The following BMPR1A variants were observed in gnomAD, a reference collection of about 807,000 sequenced individuals.
BMPR1A encodes bone morphogenetic protein receptor type 1A.
A neutral mutation model predicts 66.0 loss-of-function variants in BMPR1A; 7 were observed. That is an observed-to-expected ratio of 0.11 (90% confidence interval 0.06 to 0.20). BMPR1A has a LOEUF of 0.20. Ranked by LOEUF, BMPR1A falls within the 10% of genes least tolerant of loss-of-function variation. BMPR1A has a pLI of 1.00. For synonymous variants in BMPR1A, 200 were observed against 229.7 expected, an observed-to-expected ratio of 0.87 and a Z score of 1.17; for missense variants, 408 against 669.1, an observed-to-expected ratio of 0.61 and a Z score of 4.31.
intron 1 of BMPR1A, among the ~76,000 whole-genome samples, chr10:86,793,989 C>T (rs1353107557): frequency 6.6e-6 from 1 of 152,160 alleles, no homozygotes; most frequent in Non-Finnish European, 1.5e-5. Context: ...TCATCTCTTT[C>T]CCACCGTACT....
intron 8 of BMPR1A, among the ~76,000 whole-genome samples, chr10:86,914,129 A>C (rs984476771): frequency 6.6e-6 from 1 of 152,016 alleles, no homozygotes; most frequent in Non-Finnish European, 1.5e-5. Context: ...AAAAAAAAAA[A>C]ACAAAAAGAT....
chr10:86,911,500 A>C (rs973230578), intron 7 of BMPR1A, among the ~76,000 whole-genome samples: 3 of 152,200 alleles, frequency 2.0e-5, no homozygotes, highest in African/African-American at 7.2e-5. Flanking sequence ...TAATCCCAGC[A>C]CTTTGGGAGG....
At chr10:86,869,456 CAAAAA>C (rs56797101) in intron 2 of BMPR1A, among the ~76,000 whole-genome samples, 1 of 108,728 alleles carries the variant, frequency 9.2e-6, no homozygotes, top group Admixed American at 9.9e-5. Flanking sequence ...GACTCTGTCT[CAAAAA>C]AAAAAAAAAA....
chr10:86,772,231 C>T (rs186179906), intron 1 of BMPR1A, among the ~76,000 whole-genome samples: 1 of 150,120 alleles, frequency 6.7e-6, no homozygotes, highest in East Asian at 2.0e-4. Flanking sequence ...CCCGGGTTCA[C>T]GCCATTCTCC....
intron 2 of BMPR1A, among the ~76,000 whole-genome samples, chr10:86,853,525 A>C (rs1025334429): frequency 6.6e-6 from 1 of 152,220 alleles, no homozygotes; most frequent in African/African-American, 2.4e-5. Context: ...AAAATTTAAC[A>C]ATTATCTCTT....
At chr10:86,785,392 G>A (rs779278474) in intron 1 of BMPR1A, among the ~76,000 whole-genome samples, 8 of 151,510 alleles carry the variant, frequency 5.3e-5, no homozygotes, top group Non-Finnish European at 4.4e-5. Context: ...CGCAATCTGC[G>A]CCTCCTGGGT....
chr10:86,861,472 G>A (rs186770344), intron 2 of BMPR1A, among the ~76,000 whole-genome samples: 1 of 152,148 alleles, frequency 6.6e-6, no homozygotes, highest in South Asian at 2.1e-4. Flanking sequence ...TACTACCTTT[G>A]AACCTTCAGT....
chr10:86,854,193 C>T (rs932991811), intron 2 of BMPR1A, among the ~76,000 whole-genome samples: 8 of 152,298 alleles, frequency 5.3e-5, no homozygotes, highest in South Asian at 2.1e-4. Flanking sequence ...CTGTTCCGCC[C>T]GGCTCACCGG....
Position 86,927,796 on chromosome 10 carries a change from G to A in BMPR1A, c.*4077G>A. 1.0e-5 allele frequency: 2 copies of A among 200,392 alleles called. No individual in the cohort carries two copies. The highest frequency in any genetic ancestry group is 1.6e-4 in the East Asian group (2 of 12,902). The allele number at this position is 200,392 out of a possible 1,614,324, so 12.4% of individuals were successfully genotyped here. On this transcript the variant is annotated 3_prime_UTR_variant, in exon 13 of 13. Coordinates refer to ENST00000372037, the MANE Select transcript of BMPR1A (RefSeq NM_004329.3). The stretch of plus-strand genomic sequence containing the variant: ...GGGTAAAAGCAAGCAGTTTTATCAG[G>A]CAGTTGTAAAACACCAAAAATATAG...
chr10:86,792,373 G>T (rs918987419), intron 1 of BMPR1A, among the ~76,000 whole-genome samples: 2 of 152,082 alleles, frequency 1.3e-5, no homozygotes, highest in African/African-American at 4.8e-5. Flanking sequence ...CCTACTGTCA[G>T]ATCTTTAATG....
chr10:86,895,156 A>G (rs982048490), intron 5 of BMPR1A, among the ~76,000 whole-genome samples: 1 of 152,228 alleles, frequency 6.6e-6, no homozygotes. Flanking sequence ...TTTGCTTTCA[A>G]CCAAGTTGCT....
intron 2 of BMPR1A, chr10:86,855,571 G>A: frequency 1.9e-6 from 1 of 528,358 alleles, no homozygotes; most frequent in Non-Finnish European, 3.4e-6. Flanking sequence ...TTTTGAAATA[G>A]TACTTTTCAA....
upstream of BMPR1A, chr10:86,756,277 A>G (rs1410331668): frequency 1.3e-5 from 2 of 152,094 alleles, no homozygotes; most frequent in Non-Finnish European, 2.9e-5. Context: ...GTCTGCGGGA[A>G]GCTACCCGGG....
intron 1 of BMPR1A, among the ~76,000 whole-genome samples, chr10:86,759,440 G>T (rs1840991815): frequency 6.6e-6 from 1 of 151,942 alleles, no homozygotes; most frequent in African/African-American, 2.4e-5. Flanking sequence ...TTTTTATTCA[G>T]TTGCTTTCTA....
Position 86,805,857 on chromosome 10 carries a change from C to G in BMPR1A, c.-267-33008C>G, listed in dbSNP as rs184442332. Among the ~76,000 whole-genome samples, 3 of 150,462 alleles carry G rather than the reference C, an allele frequency of 2.0e-5. No homozygotes were observed. The East Asian group carries it at 5.8e-4, about 29-fold the overall frequency. On this transcript the variant is annotated intron_variant, in intron 1 of 12. Transcript: ENST00000372037. ...AACATTGAGGCGGCACTTTGATCTG[C>G]AGTCTGTATTCCAGTTTTGTCAGTT...
chr10:86,812,531 T>TA (rs1841985356), intron 1 of BMPR1A, among the ~76,000 whole-genome samples: 1 of 152,228 alleles, frequency 6.6e-6, no homozygotes, highest in Non-Finnish European at 1.5e-5. Context: ...GCTAAGTACC[T>TA]AGGAATGGGA....
intron 7 of BMPR1A, among the ~76,000 whole-genome samples, chr10:86,900,690 CG>C (rs1269467547): frequency 1.3e-5 from 2 of 152,200 alleles, no homozygotes; most frequent in African/African-American, 4.8e-5. Context: ...GAGGAAAAGA[CG>C]TTCGCATACC....
intron 7 of BMPR1A, among the ~76,000 whole-genome samples, chr10:86,911,402 CAAT>C (rs1463269337): frequency 6.6e-6 from 1 of 152,038 alleles, no homozygotes; most frequent in Non-Finnish European, 1.5e-5. Context: ...GCCTACAAAT[CAAT>C]GAGGAGAAGA....
intron 2 of BMPR1A, among the ~76,000 whole-genome samples, chr10:86,862,650 G>T (rs1413398753): frequency 2.6e-5 from 4 of 152,166 alleles, no homozygotes; most frequent in Non-Finnish European, 5.9e-5. Flanking sequence ...AGTAGGAAGT[G>T]TGTGGGTTCT....
Sources: allele counts gnomAD v4.1 joint callset (sites outside exome capture counted in the v4.1 genomes callset), GRCh38; gene constraint gnomAD v4.1.1; transcripts MANE v1.5; gene names NCBI Gene and HGNC (gene_info 2026-07-23, HGNC 2026-07-21).